TMTC2: variants seen among roughly 807,000 people sequenced by gnomAD.
TMTC2 encodes the protein transmembrane O-mannosyltransferase targeting cadherins 2.
TMTC2 carries 43 observed loss-of-function variants against 82.4 expected under a neutral mutation model. That is an observed-to-expected ratio of 0.52 (90% CI 0.41 to 0.67). TMTC2 has a LOEUF of 0.67. TMTC2 is among the 30% of genes least tolerant of loss of function. TMTC2 has a pLI of 0.00. For missense variants in TMTC2, 919 were observed against 1,012.4 expected (o/e 0.91, Z 1.25); for synonymous variants, 408 against 381.9 (o/e 1.07, Z -0.80).
At chr12:82,935,022 C>A (rs1008076771) in intron 4 of TMTC2, among the ~76,000 whole-genome samples, 3 of 151,808 alleles carry the variant, frequency 2.0e-5, no homozygotes, top group South Asian at 2.1e-4. Flanking sequence ...AAAAAAATAA[C>A]CTTTATATGT....
intron 11 of TMTC2, among the ~76,000 whole-genome samples, chr12:83,110,850 C>T (rs887127857): frequency 6.6e-6 from 1 of 152,226 alleles, no homozygotes; most frequent in African/African-American, 2.4e-5. Flanking sequence ...GACATTGAGA[C>T]ACTGATGACT....
At chr12:82,799,369 G>A (rs1029719124) in intron 1 of TMTC2, among the ~76,000 whole-genome samples, 5 of 152,132 alleles carry the variant, frequency 3.3e-5, no homozygotes, top group African/African-American at 9.7e-5. Flanking sequence ...ATATTAAGGA[G>A]CATTTCCTAG....
intron 1 of TMTC2, among the ~76,000 whole-genome samples, chr12:82,773,882 A>G (rs976265618): frequency 9.9e-5 from 15 of 151,868 alleles, no homozygotes; most frequent in African/African-American, 3.1e-4. Context: ...CAGTCCAGAG[A>G]TGAGAATTTT....
chr12:82,882,750 A>C (rs537701064), intron 2 of TMTC2, among the ~76,000 whole-genome samples: 1 of 152,218 alleles, frequency 6.6e-6, no homozygotes, highest in Admixed American at 6.5e-5. Flanking sequence ...CTATGTGAAA[A>C]CTTTAGTTTA....
intron 1 of TMTC2, among the ~76,000 whole-genome samples, chr12:82,768,607 C>A (rs1017748397): frequency 6.6e-6 from 1 of 151,890 alleles, no homozygotes; most frequent in African/African-American, 2.4e-5. Flanking sequence ...CTGGTTTTTT[C>A]GACTCTTCAT....
intron 4 of TMTC2, among the ~76,000 whole-genome samples, chr12:82,947,714 G>T (rs1325887439): frequency 1.3e-5 from 2 of 152,000 alleles, no homozygotes; most frequent in South Asian, 2.1e-4. Context: ...CTGTTTTTTT[G>T]TTGTTGTTTT....
intron 8 of TMTC2, chr12:82,986,502 T>C (rs1185108484): frequency 6.4e-6 from 1 of 156,056 alleles, no homozygotes; most frequent in South Asian, 1.9e-4. Flanking sequence ...TGGAATTACA[T>C]AATGAATTTG....
At chr12:82,966,631 T>C (rs899056738) in intron 6 of TMTC2, among the ~76,000 whole-genome samples, 1 of 152,122 alleles carries the variant, frequency 6.6e-6, no homozygotes, top group Admixed American at 6.6e-5. Flanking sequence ...TTTTTTGGTT[T>C]TTTAGTTGAG....
chr12:83,093,778 T>C (rs1192403554), intron 11 of TMTC2, among the ~76,000 whole-genome samples: 1 of 152,236 alleles, frequency 6.6e-6, no homozygotes, highest in Non-Finnish European at 1.5e-5. Context: ...TTTTTTCCTC[T>C]GTTCAATCAG....
chr12:83,029,314 T>C (rs533436113), intron 8 of TMTC2, among the ~76,000 whole-genome samples: 1 of 152,210 alleles, frequency 6.6e-6, no homozygotes, highest in African/African-American at 2.4e-5. Flanking sequence ...ATGACAGTTA[T>C]GCATGAACCT....
intron 1 of TMTC2, among the ~76,000 whole-genome samples, chr12:82,845,252 A>AAAAAATAT (rs1555190264): frequency 5.2e-5 from 2 of 38,800 alleles, no homozygotes; most frequent in African/African-American, 1.0e-4. Context: ...AAAAAAAAAA[A>AAAAAATAT]ATATATATAT....
In TMTC2 at chr12:82,987,419, C is replaced by CAA. The variant is rs1236293175; in HGVS notation, c.2070+1388_2070+1389dup. 1.6e-3 allele frequency among the ~76,000 whole-genome samples: 56 copies of CAA among 35,076 alleles called. 1 individual carries two copies. The highest frequency in any genetic ancestry group is 3.0e-3 in the African/African-American group (29 of 9,728). The allele number at this position is 35,076 out of a possible 152,430, so 23.0% of individuals were successfully genotyped here. On this transcript the variant is annotated intron_variant, in intron 8 of 11. Transcript: ENST00000321196. ...AGCCTGGGCAACAGAGACTCCATCT[C>CAA]AAAAAAAAAAAAAAAAGAGAAAAAA...
At chr12:83,036,380 T>C (rs1881662726) in intron 9 of TMTC2, among the ~76,000 whole-genome samples, 1 of 151,968 alleles carries the variant, frequency 6.6e-6, no homozygotes, top group African/African-American at 2.4e-5. Flanking sequence ...TAATTATCTG[T>C]ATTATTATTA....
intron 7 of TMTC2, among the ~76,000 whole-genome samples, chr12:82,981,525 C>T (rs185730872): frequency 2.4e-3 from 371 of 152,002 alleles, no homozygotes; most frequent in Non-Finnish European, 3.9e-3. Flanking sequence ...GGTGATGAAC[C>T]TGATCATTCT....
chr12:83,053,123 T>C (rs1882413595), intron 10 of TMTC2, among the ~76,000 whole-genome samples: 1 of 152,192 alleles, frequency 6.6e-6, no homozygotes, highest in South Asian at 2.1e-4. Flanking sequence ...TAAGAAAGGT[T>C]ACTGGTTTCC....
At chr12:82,717,218 CTTTTT>C (rs200275370) in intron 1 of TMTC2, among the ~76,000 whole-genome samples, 1 of 139,108 alleles carries the variant, frequency 7.2e-6, no homozygotes, top group African/African-American at 2.6e-5. Flanking sequence ...GCAAAAGGCA[CTTTTT>C]TTTTTTTTTT....
chr12:82,890,946 T>A (rs545476153), intron 2 of TMTC2, among the ~76,000 whole-genome samples: 90 of 152,358 alleles, frequency 5.9e-4, no homozygotes, highest in African/African-American at 2.0e-3. Context: ...TCCCACACTT[T>A]GAAGTCTTAT....
chr12:82,948,267 A>T (rs547556129), intron 4 of TMTC2, among the ~76,000 whole-genome samples: 1 of 152,200 alleles, frequency 6.6e-6, no homozygotes, highest in East Asian at 1.9e-4. Context: ...TAGGAGGCTG[A>T]TGTGGGAGAA....
At chr12:82,899,330 G>A (rs965362688) in intron 3 of TMTC2, among the ~76,000 whole-genome samples, 3 of 151,718 alleles carry the variant, frequency 2.0e-5, no homozygotes, top group Non-Finnish European at 2.9e-5. Context: ...GAATTCTGAA[G>A]TCATCCCTGC....
Sources: allele counts gnomAD v4.1 joint callset (sites outside exome capture counted in the v4.1 genomes callset), GRCh38; gene constraint gnomAD v4.1.1; transcripts MANE v1.5; gene names NCBI Gene and HGNC (gene_info 2026-07-23, HGNC 2026-07-21).